SLCO3A1: variants seen among roughly 807,000 people sequenced by gnomAD.
SLCO3A1 encodes the protein PGE1 transporter.
Under a neutral mutation model 63.1 loss-of-function variants are expected in SLCO3A1, and 27 were observed. That is an observed-to-expected ratio of 0.43 (90% CI 0.32 to 0.59). SLCO3A1 has a LOEUF of 0.59. Among genes scored for constraint, SLCO3A1 ranks in the 20% least tolerant of loss-of-function variants. The pLI, the probability that SLCO3A1 is intolerant of heterozygous loss-of-function variation, is 0.09. For missense variants in SLCO3A1, 773 were observed against 945.8 expected (o/e 0.82, Z 2.40); for synonymous variants, 473 against 409.9 (o/e 1.15, Z -1.86).
intron 3 of SLCO3A1, among the ~76,000 whole-genome samples, chr15:92,100,351 AG>A (rs2151542289): frequency 6.6e-6 from 1 of 152,312 alleles, no homozygotes; most frequent in South Asian, 2.1e-4. Context: ...CTATTTACTT[AG>A]AGTCCCCAGA....
intron 2 of SLCO3A1, among the ~76,000 whole-genome samples, chr15:92,053,906 G>A (rs1036661604): frequency 1.3e-5 from 2 of 151,988 alleles, no homozygotes; most frequent in African/African-American, 4.8e-5. Flanking sequence ...TGTTTGGCAG[G>A]AAGTCACGGT....
chr15:92,089,207 T>C (rs2047442431), intron 2 of SLCO3A1, among the ~76,000 whole-genome samples: 1 of 152,068 alleles, frequency 6.6e-6, no homozygotes, highest in Non-Finnish European at 1.5e-5. Context: ...TTTGTATTTT[T>C]AGTAGAGACA....
intron 2 of SLCO3A1, among the ~76,000 whole-genome samples, chr15:91,930,938 C>G (rs1899204180): frequency 6.6e-6 from 1 of 152,196 alleles, no homozygotes; most frequent in Non-Finnish European, 1.5e-5. Flanking sequence ...ACTGTGTTTT[C>G]CTGCTTCACA....
Position 91,980,424 on chromosome 15 carries a change from T to TA in SLCO3A1, c.646+63978dup, listed in dbSNP as rs34598127. ...TTGGGGGCTGGGAAATCTGAGAGTT[T>TA]AAAAAAAAAAAATCCAAGCAAAGAT... On this transcript the variant is annotated intron_variant, in intron 2 of 9. Transcript: ENST00000318445. Among the ~76,000 whole-genome samples, 557 of 145,748 alleles carry TA rather than the reference T, an allele frequency of 3.8e-3. 3 individuals are homozygous for TA. Among genetic ancestry groups the TA allele is most frequent in the Non-Finnish European group, 5.5e-3 (364 of 66,412 alleles).
chr15:91,989,524 T>G (rs1228748745), intron 2 of SLCO3A1, among the ~76,000 whole-genome samples: 1 of 152,150 alleles, frequency 6.6e-6, no homozygotes, highest in African/African-American at 2.4e-5. Context: ...TAGGATGCAA[T>G]CACAACCAAT....
chr15:92,137,267 T>C (rs2151577391), intron 7 of SLCO3A1, among the ~76,000 whole-genome samples: 1 of 112,584 alleles, frequency 8.9e-6, no homozygotes, highest in South Asian at 2.9e-4. Flanking sequence ...AATGATGATT[T>C]CCAATTTCAT....
chr15:91,962,546 T>G (rs1184874840), intron 2 of SLCO3A1, among the ~76,000 whole-genome samples: 1 of 148,684 alleles, frequency 6.7e-6, no homozygotes, highest in Non-Finnish European at 1.5e-5. Flanking sequence ...AGGAAACAAC[T>G]GAAAGCTGGC....
At chr15:91,888,918 C>T (rs1246099909) in intron 1 of SLCO3A1, among the ~76,000 whole-genome samples, 4 of 150,814 alleles carry the variant, frequency 2.7e-5, no homozygotes, top group South Asian at 2.1e-4. Flanking sequence ...CTGGGGTGGG[C>T]GGATCGCTTG....
intron 2 of SLCO3A1, among the ~76,000 whole-genome samples, chr15:92,046,872 C>A (rs2046870485): frequency 6.8e-6 from 1 of 147,552 alleles, no homozygotes; most frequent in South Asian, 2.1e-4. Flanking sequence ...ATAGGGCTGG[C>A]AAGGGCCCTG....
chr15:92,041,290 C>T (rs893908273), intron 2 of SLCO3A1, among the ~76,000 whole-genome samples: 9 of 152,262 alleles, frequency 5.9e-5, no homozygotes, highest in African/African-American at 2.2e-4. Flanking sequence ...TTATCCAGGG[C>T]ACACATCTTG....
chr15:92,027,005 A>C (rs528847342), intron 2 of SLCO3A1, among the ~76,000 whole-genome samples: 1 of 151,962 alleles, frequency 6.6e-6, no homozygotes, highest in African/African-American at 2.4e-5. Flanking sequence ...CAGGAGAATC[A>C]CTTGAACCCA....
intron 8 of SLCO3A1, among the ~76,000 whole-genome samples, chr15:92,150,598 A>G (rs1327384647): frequency 6.6e-6 from 1 of 151,756 alleles, no homozygotes. Context: ...TCCCCCCCAT[A>G]CGTGTACCCC....
chr15:92,012,342 G>A (rs550263630), intron 2 of SLCO3A1, among the ~76,000 whole-genome samples: 5 of 152,300 alleles, frequency 3.3e-5, no homozygotes, highest in East Asian at 1.9e-4. Flanking sequence ...TTTTCTTGCC[G>A]TGAAATGAGC....
rs1157438845 is a variant in SLCO3A1 at position 91,948,797 on chromosome 15, C to T, written c.646+32339C>T. Among the ~76,000 whole-genome samples, 1 of 152,098 alleles carries T rather than the reference C, an allele frequency of 6.6e-6. No individual in the cohort carries two copies. Among genetic ancestry groups the T allele is most frequent in the African/African-American group, 2.4e-5 (1 of 41,432 alleles). ...TGGGTCCTGTATCCTGACTAATGAC[C>T]CCAAAGATATTCTGGGTGGCATGTG... On this transcript the variant is annotated intron_variant, in intron 2 of 9. Transcript: ENST00000318445. This position sits in a 1 kb window ranked among gnomAD's most constrained non-coding sequence, Gnocchi z 4.8.
intron 2 of SLCO3A1, among the ~76,000 whole-genome samples, chr15:92,063,898 ATTG>A (rs2047117219): frequency 6.6e-6 from 1 of 152,092 alleles, no homozygotes; most frequent in Non-Finnish European, 1.5e-5. Flanking sequence ...GCATTGTTTT[ATTG>A]TTGTTGTTCT....
At chr15:92,060,936 C>T (rs1473339047) in intron 2 of SLCO3A1, among the ~76,000 whole-genome samples, 1 of 152,144 alleles carries the variant, frequency 6.6e-6, no homozygotes, top group African/African-American at 2.4e-5. Context: ...GGAGATTTTG[C>T]AGCTTCATTA....
intron 2 of SLCO3A1, among the ~76,000 whole-genome samples, chr15:92,066,340 T>C (rs1007162967): frequency 6.6e-6 from 1 of 152,186 alleles, no homozygotes; most frequent in Non-Finnish European, 1.5e-5. Flanking sequence ...TAAGCCTCAG[T>C]ACCCTCATCT....
chr15:92,144,765 C>T (rs528771468), intron 7 of SLCO3A1, among the ~76,000 whole-genome samples: 5 of 152,290 alleles, frequency 3.3e-5, no homozygotes, highest in East Asian at 1.9e-4. Flanking sequence ...CAGCCTTAGG[C>T]GGGACAGTAG....
At chr15:92,034,910 G>A (rs1257209593) in intron 2 of SLCO3A1, among the ~76,000 whole-genome samples, 1 of 151,988 alleles carries the variant, frequency 6.6e-6, no homozygotes, top group Non-Finnish European at 1.5e-5. Flanking sequence ...TGTTTAATCT[G>A]TCAAGTGATC....
Sources: allele counts gnomAD v4.1 joint callset (sites outside exome capture counted in the v4.1 genomes callset), GRCh38; gene constraint gnomAD v4.1.1; non-coding constraint Gnocchi (gnomAD v3.1); transcripts MANE v1.5; gene names NCBI Gene and HGNC (gene_info 2026-07-23, HGNC 2026-07-21).